ANK2: variants seen among roughly 807,000 people sequenced by gnomAD.
ANK2 encodes the protein ankyrin 2.
A neutral mutation model predicts 360.5 loss-of-function variants in ANK2; 83 were observed. The ratio of observed to expected loss-of-function variants is 0.23; its 90% CI spans 0.19 to 0.28. The LOEUF is 0.28. Among genes scored for constraint, ANK2 ranks in the 10% least tolerant of loss-of-function variants. ANK2 has a pLI of 1.00. For synonymous variants in ANK2, 1,740 were observed against 1,759.5 expected (o/e 0.99, Z 0.28); for missense variants, 4,201 against 4,795.7 (o/e 0.88, Z 3.66).
At position 113,358,573 on chromosome 4, in the gene ANK2, G is replaced by A. The variant is rs754809421; in HGVS notation, c.9955G>A (p.Ala3319Thr). 16 of 1,613,940 alleles carry A rather than the reference G, an allele frequency of 9.9e-6. No individual in the cohort carries two copies. The highest frequency in any genetic ancestry group is 1.3e-5 in the African/African-American group (1 of 74,906). Reference sequence around the variant, plus strand: ...CACTTCCACCCCAGCACCTCCATCTGCAGAGTATGAGAGTTCAGTTTCTGA... The same window carrying A: ...CACTTCCACCCCAGCACCTCCATCTACAGAGTATGAGAGTTCAGTTTCTGA... The part of the protein sequence containing the change: ...MPTSTPAPPS[A>T]EYESSVSEDF... The change falls in exon 38 of 46, where the codon GCA becomes ACA. Residue 3319 changes from alanine to threonine, a missense_variant. This residue lies in a region of ANK2 where 2,642 missense variants were observed against 2,714.5 expected (regional missense o/e 0.97). Transcript: ENST00000357077.
At chr4:112,949,145 C>T (rs1258674343) in intron 2 of ANK2, among the ~76,000 whole-genome samples, 1 of 152,130 alleles carries the variant, frequency 6.6e-6, no homozygotes, top group Non-Finnish European at 1.5e-5. Flanking sequence ...GTGAAGATGA[C>T]ATAAGCCTAG....
At position 113,022,474 on chromosome 4, in the gene ANK2, TG is replaced by T. The variant is rs539438073; in HGVS notation, c.21+117962del. Among the ~76,000 whole-genome samples the T allele has an allele frequency of 1.6e-3, 251 of 152,286 alleles. 1 individual carries two copies. The highest frequency in any genetic ancestry group is 2.9e-3 in the Non-Finnish European group (195 of 68,012). On this transcript the variant is annotated intron_variant, in intron 2 of 30. Transcript: ENST00000503271. ...AGAGATTTATCCAGTGCCTTGTTCTTGGTGAGTCTAGCATCTTAGTCGCATC... is the reference window on the plus strand; with the variant it reads ...AGAGATTTATCCAGTGCCTTGTTCTTGTGAGTCTAGCATCTTAGTCGCATC...
chr4:113,079,918 A>C (rs1302282920), intron 1 of ANK2, among the ~76,000 whole-genome samples: 1 of 117,962 alleles, frequency 8.5e-6, no homozygotes, highest in African/African-American at 3.3e-5. Context: ...TTTTTTTTTG[A>C]GATGGAGTCT....
intron 4 of ANK2, among the ~76,000 whole-genome samples, chr4:113,220,466 T>G (rs2099137476): frequency 6.6e-6 from 1 of 152,250 alleles, no homozygotes; most frequent in Non-Finnish European, 1.5e-5. Flanking sequence ...ATATTCCATT[T>G]TTAAAAAGTT....
intron 40 of ANK2, among the ~76,000 whole-genome samples, chr4:113,364,138 C>A (rs2096399137): frequency 1.3e-5 from 2 of 152,110 alleles, no homozygotes; most frequent in Admixed American, 6.5e-5. Context: ...CTTGATTGAA[C>A]CCCACCACCA....
At chr4:113,197,093 C>A (rs1264277624) in intron 3 of ANK2, among the ~76,000 whole-genome samples, 2 of 152,068 alleles carry the variant, frequency 1.3e-5, no homozygotes, top group East Asian at 1.9e-4. Context: ...TAAAAATAAA[C>A]CCATGTGGGA....
chr4:112,963,565 T>C (rs2035852524), intron 2 of ANK2, among the ~76,000 whole-genome samples: 1 of 152,172 alleles, frequency 6.6e-6, no homozygotes, highest in Non-Finnish European at 1.5e-5. Flanking sequence ...AGCACGTGTC[T>C]TGAGAAGGGG....
At chr4:113,121,859 T>TCC (rs961895319) in intron 1 of ANK2, among the ~76,000 whole-genome samples, 2 of 142,578 alleles carry the variant, frequency 1.4e-5, no homozygotes, top group African/African-American at 5.2e-5. Context: ...TTTGGGGAAA[T>TCC]CTCCCCCCCC....
At chr4:112,739,172 C>A in the ANK2 span, 17 of 358,812 alleles carry the variant, frequency 4.7e-5, no homozygotes, top group Non-Finnish European at 6.4e-5. Context: ...CAAAAACAAA[C>A]AAAAAAACTC....
chr4:113,222,706 G>A (rs1055798303), intron 4 of ANK2, among the ~76,000 whole-genome samples: 2 of 152,114 alleles, frequency 1.3e-5, no homozygotes, highest in African/African-American at 4.8e-5. Flanking sequence ...ATATAAAACA[G>A]GATGACACAG....
At chr4:113,345,306 A>G (rs927325856) in intron 34 of ANK2, among the ~76,000 whole-genome samples, 1 of 152,152 alleles carries the variant, frequency 6.6e-6, no homozygotes, top group African/African-American at 2.4e-5. Flanking sequence ...ATGGGGAGCT[A>G]TTGTTCAATG....
intron 2 of ANK2, among the ~76,000 whole-genome samples, chr4:112,963,343 C>T (rs887719580): frequency 6.6e-6 from 1 of 152,158 alleles, no homozygotes; most frequent in Non-Finnish European, 1.5e-5. Context: ...TTTCTGGGAA[C>T]TCAATCTGTT....
Position 113,069,331 on chromosome 4 carries a change from C to T in ANK2, c.84+19519C>T, listed in dbSNP as rs140094414. Among the ~76,000 whole-genome samples, 262 of 152,260 alleles carry T rather than the reference C, an allele frequency of 1.7e-3. 1 individual carries two copies. The highest frequency in any genetic ancestry group is 6.1e-3 in the African/African-American group (252 of 41,552). On this transcript the variant is annotated intron_variant, in intron 1 of 45. Transcript: ENST00000357077. Reference sequence around the variant, plus strand: ...AGTAGAATTTAAAAATTTATTGGCACGAACTACCAAATCAGCCAAATTAGA... The same window carrying T: ...AGTAGAATTTAAAAATTTATTGGCATGAACTACCAAATCAGCCAAATTAGA...
At chr4:113,068,406 A>T (rs1022532300) in intron 1 of ANK2, among the ~76,000 whole-genome samples, 2 of 152,202 alleles carry the variant, frequency 1.3e-5, no homozygotes, top group Non-Finnish European at 2.9e-5. Context: ...TGCTTGTACC[A>T]TTGAATATGT....
chr4:112,892,126 A>C (rs925911191), intron 1 of ANK2, among the ~76,000 whole-genome samples: 29 of 152,226 alleles, frequency 1.9e-4, no homozygotes, highest in African/African-American at 7.0e-4. Flanking sequence ...GGGCTGATTC[A>C]GATGGGATAT....
the ANK2 span, among the ~76,000 whole-genome samples, chr4:112,778,713 G>A: frequency 6.6e-6 from 1 of 152,198 alleles, no homozygotes; most frequent in African/African-American, 2.4e-5. Flanking sequence ...GCCTGCAATA[G>A]GATTGTTACC....
chr4:112,729,109 G>C, the ANK2 span, among the ~76,000 whole-genome samples: 1 of 152,016 alleles, frequency 6.6e-6, no homozygotes, highest in African/African-American at 2.4e-5. Flanking sequence ...TGAGGCGGGA[G>C]GATAGCTTGA....
Position 113,355,247 on chromosome 4 carries a change from T to C in ANK2, c.6629T>C (p.Val2210Ala), listed in dbSNP as rs886038889. 6.2e-7 allele frequency: 1 copy of C among 1,613,696 alleles called. No individual in the cohort carries two copies. Among genetic ancestry groups the C allele is most frequent in the Admixed American group, 1.7e-5 (1 of 59,998 alleles). ...TCTGAAAGCCTAAAGAATGAGGGGG[T>C]AGCCGGCTCTCCGTGTGGCAGCCTG... The part of the protein sequence containing the change: ...GSSESLKNEG[V>A]AGSPCGSLME... The change falls in exon 38 of 46, where the codon GTA (valine) becomes GCA (alanine). Residue 2210 changes from valine (V) to alanine (A), a missense_variant. By Grantham distance (64) the Val-to-Ala change is moderately conservative (BLOSUM62 0). Transcript: ENST00000357077.
chr4:112,949,025 G>C (rs2154251500), intron 2 of ANK2, among the ~76,000 whole-genome samples: 1 of 152,224 alleles, frequency 6.6e-6, no homozygotes, highest in South Asian at 2.1e-4. Context: ...TTAACTTTCA[G>C]AGTCCCCCTC....
Sources: gnomAD v4.1 joint callset for allele counts (sites outside exome capture counted in the v4.1 genomes callset) on GRCh38, gnomAD v4.1.1 for gene constraint, gnomAD v4.1.1 regional missense constraint, MANE v1.5 for transcripts, NCBI Gene and HGNC (gene_info 2026-07-23, HGNC 2026-07-21) for gene names.